BTNL2: variants seen among roughly 807,000 people sequenced by gnomAD.
The protein encoded by BTNL2 is butyrophilin like 2.
A neutral mutation model predicts 46.8 loss-of-function variants in BTNL2; 46 were observed. The ratio of observed to expected loss-of-function variants is 0.98; its 90% CI spans 0.78 to 1.26. The LOEUF (loss-of-function observed/expected upper bound fraction) is 1.26. Ranked by LOEUF, BTNL2 falls within the 50% of genes most tolerant of loss-of-function variation. BTNL2 has a pLI of 0.00. For synonymous variants in BTNL2, 226 were observed against 229.1 expected (o/e 0.99, Z 0.12); for missense variants, 461 against 592.6 (o/e 0.78, Z 2.31).
chr6:32,397,447 G>T (rs1433695677), intron 4 of BTNL2, among the ~76,000 whole-genome samples: 1 of 152,136 alleles, frequency 6.6e-6, no homozygotes, highest in Non-Finnish European at 1.5e-5. Flanking sequence ...TTGCTGCTTT[G>T]AATTCTCTGA....
At chr6:32,400,760 A>AAAAAAAAAAAAAAAATAAAAAAC (rs1390075841) in intron 4 of BTNL2, among the ~76,000 whole-genome samples, 1 of 115,838 alleles carries the variant, frequency 8.6e-6, no homozygotes, top group Non-Finnish European at 1.9e-5. Context: ...AAAAAAAAAA[A>AAAAAAAAAAAAAAAATAAAAAAC]AAATTAGCTG....
intron 4 of BTNL2, among the ~76,000 whole-genome samples, chr6:32,400,760 A>AAAAAACAAAAAAAAAAC (rs1390075841): frequency 1.7e-5 from 2 of 115,924 alleles, no homozygotes; most frequent in Admixed American, 8.8e-5. Flanking sequence ...AAAAAAAAAA[A>AAAAAACAAAAAAAAAAC]AAATTAGCTG....
chr6:32,402,745 C>G (rs115530896), intron 3 of BTNL2, among the ~76,000 whole-genome samples, 190 bp downstream of exon 3: 18,496 of 152,128 alleles, frequency 0.12, 1,326 homozygotes, highest in East Asian at 0.31. Flanking sequence ...AAAAATAACG[C>G]AGGCGCCATA....
At chr6:32,406,917 G>T in intron 1 of BTNL2, 128 bp downstream of exon 1, 1 of 785,952 alleles carries the variant, frequency 1.3e-6, no homozygotes. Context: ...TCAAAAGTGA[G>T]GAGTTCCTTT....
rs1281951702 is a variant in BTNL2, at chr6:32,399,749, G to A, written c.730+2036C>T. 6.6e-6 allele frequency among the ~76,000 whole-genome samples: 1 copy of A among 152,092 alleles called. No homozygotes were observed. The highest frequency in any genetic ancestry group is 1.5e-5 in the Non-Finnish European group (1 of 68,040). On this transcript the variant is annotated intron_variant, in intron 4 of 7. Transcript: ENST00000454136. The surrounding 1 kb of genome is among the most constrained non-coding windows in gnomAD (Gnocchi z 5.2). ...TAATTCCCATAACATATTCAGCATCGTGCCTGGCATACAATTAATATTTTT... is the reference window on the plus strand; with the variant it reads ...TAATTCCCATAACATATTCAGCATCATGCCTGGCATACAATTAATATTTTT...
chr6:32,401,926 T>A (rs200457779), intron 3 of BTNL2, 121 bp from the exon 4 acceptor site: 22 of 499,146 alleles, frequency 4.4e-5, no homozygotes, highest in Non-Finnish European at 5.4e-5. Flanking sequence ...ATTAAAAAAA[T>A]GAAATGCAGA....
At chr6:32,404,829 T>C in intron 2 of BTNL2, 110 bp downstream of exon 2, 1 of 1,054,158 alleles carries the variant, frequency 9.5e-7, no homozygotes, top group East Asian at 2.4e-5. Flanking sequence ...GGACTAAGCA[T>C]TAGGAATTAC....
rs1422153384 is a variant in BTNL2 at position 32,396,499 on chromosome 6, G to A, written c.731-113C>T. 1 of 1,072,550 alleles carries A rather than the reference G, an allele frequency of 9.3e-7. No homozygotes were observed. Among genetic ancestry groups the A allele is most frequent in the Non-Finnish European group, 1.4e-6 (1 of 725,586 alleles). 66.4% of individuals were successfully genotyped at this position (1,072,550 alleles called of 1,614,324 possible). On this transcript the variant is annotated intron_variant, in intron 4 of 7. Coordinates refer to ENST00000454136, the MANE Select transcript of BTNL2 (RefSeq NM_001304561.2). This position sits in a 1 kb window ranked among gnomAD's most constrained non-coding sequence, Gnocchi z 4.4. ...AAACCATGAGCATCCCAGGGTTGCT[G>A]TGAGGCTCAGGGTCATCCTTAGGTG...
Position 32,394,168 on chromosome 6 carries a change from T to G in BTNL2, c.1361-111A>C. 1 of 1,447,718 alleles carries G rather than the reference T, an allele frequency of 6.9e-7. No individual in the cohort carries two copies. The highest frequency in any genetic ancestry group is 9.2e-7 in the Non-Finnish European group (1 of 1,085,406). The allele number at this position is 1,447,718 out of a possible 1,614,324, so 89.7% of individuals were successfully genotyped here. On this transcript the variant is annotated intron_variant, in intron 6 of 7. Transcript: ENST00000454136. The surrounding 1 kb of genome is among the most constrained non-coding windows in gnomAD (Gnocchi z 4.6). ...TGGAGAGAAGGGAGAGAATTTGGCC[T>G]CCCAGGAAGCAGTTGGCCTGCTCCT...
At chr6:32,405,334 T>G in intron 1 of BTNL2, 48 bp from the exon 2 acceptor site, 1 of 1,557,362 alleles carries the variant, frequency 6.4e-7, no homozygotes, top group Non-Finnish European at 8.8e-7. Context: ...AATCAGAAAA[T>G]CATATGCATG....
Position 32,405,141 on chromosome 6 carries a change from A to AAAC in BTNL2, c.222_224dup (p.Val74_Phe75insLeu). On this transcript the variant is annotated inframe_insertion, in exon 2 of 8. Coordinates refer to ENST00000454136, the MANE Select transcript of BTNL2 (RefSeq NM_001304561.2). ...TCACCTCCACTCCATCCCTGTGCAC[A>AAAC]AACACAGGTGTGCTGGGCTCTGAGC... The AAAC allele has an allele frequency of 1.9e-6, 3 of 1,613,060 alleles. No homozygotes were observed. The highest frequency in any genetic ancestry group is 2.5e-6 in the Non-Finnish European group (3 of 1,180,028).
At chr6:32,403,493 T>C (rs1776921898) in intron 2 of BTNL2, among the ~76,000 whole-genome samples, 1 of 152,228 alleles carries the variant, frequency 6.6e-6, no homozygotes, top group African/African-American at 2.4e-5. Context: ...TTGCAACGCC[T>C]CTAGCACTGC....
In BTNL2 at chr6:32,396,810, G is replaced by A. The variant is rs549708713; in HGVS notation, c.731-424C>T. On this transcript the variant is annotated intron_variant, in intron 4 of 7. Coordinates refer to ENST00000454136, the MANE Select transcript of BTNL2 (RefSeq NM_001304561.2). The surrounding 1 kb of genome is among the most constrained non-coding windows in gnomAD (Gnocchi z 4.4). ...AGCCTGGCCAACATGGTGAAACCCC[G>A]TCTCTACAGAAATACAAAAATTAGT... is the stretch of plus-strand genomic sequence containing the variant. 0.012 allele frequency among the ~76,000 whole-genome samples: 1,797 copies of A among 151,944 alleles called. 63 individuals carry two copies. The highest frequency in any genetic ancestry group is 0.11 in the East Asian group (538 of 5,118).
At position 32,393,831 on chromosome 6, in the gene BTNL2, C is replaced by T. The variant is rs1394276187; in HGVS notation, c.*6+132G>A. ...TGATAAGCCCTGGGCTTTCCTGTTT[C>T]TCATGTTTCCTTAGTTACTGGATAT... is the stretch of plus-strand genomic sequence containing the variant. On this transcript the variant is annotated intron_variant, in intron 7 of 7. Transcript: ENST00000454136. This position sits in a 1 kb window ranked among gnomAD's most constrained non-coding sequence, Gnocchi z 4.8. 4 of 1,306,238 alleles carry T rather than the reference C, an allele frequency of 3.1e-6. No individual in the cohort carries two copies. The African/African-American group carries it at 6.0e-5, about 20-fold the overall frequency. The allele number at this position is 1,306,238 out of a possible 1,614,324, so 80.9% of individuals were successfully genotyped here.
chr6:32,400,976 A>G (rs974469927), intron 4 of BTNL2, among the ~76,000 whole-genome samples: 1 of 143,862 alleles, frequency 7.0e-6, no homozygotes, highest in African/African-American at 2.5e-5. Context: ...TGGGAGGCTG[A>G]GGTGGGGGGA....
chr6:32,397,438 T>A (rs563074104), intron 4 of BTNL2, among the ~76,000 whole-genome samples: 1 of 152,306 alleles, frequency 6.6e-6, no homozygotes, highest in African/African-American at 2.4e-5. Context: ...CTGACCAAAT[T>A]GCTGCTTTGA....
At chr6:32,406,984 T>C (rs1777195321) in intron 1 of BTNL2, 61 bp downstream of exon 1, 3 of 1,507,826 alleles carry the variant, frequency 2.0e-6, no homozygotes, top group Non-Finnish European at 2.8e-6. Flanking sequence ...TCTCGACCTT[T>C]GGACCCAGAC....
chr6:32,394,988 T>C lies in BTNL2; in HGVS notation c.1116A>G (p.Gln372=), dbSNP rs1776358561. The C allele has an allele frequency of 6.2e-7, 1 of 1,611,260 alleles. No individual in the cohort carries two copies. The highest frequency in any genetic ancestry group is 8.5e-7 in the Non-Finnish European group (1 of 1,178,268). Residue 372 remains glutamine (Q), a synonymous_variant, in exon 6 of 8, where the codon CAA becomes CAG. Transcript: ENST00000454136. This position sits in a 1 kb window ranked among gnomAD's most constrained non-coding sequence, Gnocchi z 4.6. ...ACATCGGCTGCATTTCTCCATCTTC[T>C]TGCCCCTCCACAGTGATCAGTGGGG... ...GSSPLITVEG[Q]EDGEMQPMCS...
chr6:32,404,814 G>A, intron 2 of BTNL2, 125 bp downstream of exon 2: 1 of 896,242 alleles, frequency 1.1e-6, no homozygotes, highest in South Asian at 1.6e-5. Flanking sequence ...ATCAATCAGG[G>A]TAGAGGACTA....
Sources: gnomAD v4.1 joint callset for allele counts (sites outside exome capture counted in the v4.1 genomes callset) on GRCh38, gnomAD v4.1.1 for gene constraint, Gnocchi (gnomAD v3.1) non-coding constraint, MANE v1.5 for transcripts, NCBI Gene and HGNC (gene_info 2026-07-23, HGNC 2026-07-21) for gene names.